The following GRM7 variants were observed in gnomAD, a reference collection of about 807,000 sequenced individuals.
The protein encoded by GRM7 is metabotropic glutamate receptor 7.
A neutral mutation model predicts 84.5 loss-of-function variants in GRM7; 35 were observed. The ratio of observed to expected loss-of-function variants is 0.41; its 90% CI spans 0.32 to 0.55. The LOEUF is 0.55. Among genes scored for constraint, GRM7 ranks in the 20% least tolerant of loss-of-function variants. The pLI is 0.19. For synonymous variants in GRM7, 487 were observed against 455.1 expected (o/e 1.07, Z -0.89); for missense variants, 1,003 against 1,194.6 (o/e 0.84, Z 2.36).
intron 4 of GRM7, among the ~76,000 whole-genome samples, chr3:7,358,600 C>A (rs1168936987): frequency 6.7e-6 from 1 of 148,320 alleles, no homozygotes; most frequent in African/African-American, 2.6e-5. Context: ...AATAAGTGAA[C>A]CAATTTAACT....
intron 1 of GRM7, among the ~76,000 whole-genome samples, chr3:6,867,918 C>T (rs1574945050): frequency 6.6e-6 from 1 of 152,164 alleles, no homozygotes; most frequent in East Asian, 1.9e-4. Flanking sequence ...ATATTTACAA[C>T]TAAATGTTTT....
At chr3:7,281,895 A>G (rs944177412) in intron 2 of GRM7, among the ~76,000 whole-genome samples, 3 of 152,198 alleles carry the variant, frequency 2.0e-5, no homozygotes, top group Admixed American at 1.3e-4. Flanking sequence ...AGCCTGGGCA[A>G]CAGGGTGAAA....
At chr3:7,458,569 A>AT (rs904405092) in intron 6 of GRM7, among the ~76,000 whole-genome samples, 1 of 152,156 alleles carries the variant, frequency 6.6e-6, no homozygotes, top group Non-Finnish European at 1.5e-5. Context: ...TTCTGCCTTA[A>AT]TTTTTTTAAA....
intron 4 of GRM7, among the ~76,000 whole-genome samples, chr3:7,354,731 G>GCAGC (rs1033212320): frequency 5.8e-4 from 88 of 152,252 alleles, no homozygotes; most frequent in African/African-American, 2.0e-3. Context: ...GACTCCAATT[G>GCAGC]CAGCTTCTGT....
intron 1 of GRM7, among the ~76,000 whole-genome samples, chr3:6,974,801 T>C (rs1303867354): frequency 1.3e-5 from 2 of 152,100 alleles, no homozygotes; most frequent in African/African-American, 4.8e-5. Context: ...ACTGTGATTT[T>C]TAGAAAAGTA....
intron 1 of GRM7, among the ~76,000 whole-genome samples, chr3:6,991,674 T>C (rs1226703719): frequency 6.6e-6 from 1 of 152,182 alleles, no homozygotes; most frequent in African/African-American, 2.4e-5. Flanking sequence ...ATTTAAGGTA[T>C]AGAAAGTGCT....
intron 7 of GRM7, among the ~76,000 whole-genome samples, chr3:7,523,485 G>C (rs1352427726): frequency 6.6e-6 from 1 of 152,128 alleles, no homozygotes; most frequent in African/African-American, 2.4e-5. Flanking sequence ...CTCCGAGCTG[G>C]TAGAAGTGTA....
intron 8 of GRM7, among the ~76,000 whole-genome samples, chr3:7,630,117 C>T (rs1390140047): frequency 1.3e-5 from 2 of 152,178 alleles, no homozygotes; most frequent in African/African-American, 4.8e-5. Flanking sequence ...AAGTTTGATA[C>T]TCTGCATATA....
rs193070189 is a variant in GRM7, at chr3:7,482,896, T to C, written c.1515+21174T>C. Reference sequence around the variant, plus strand: ...TGGTGAATTTTAAAATAAGTGACATTAAATAAATTCCACATTCCTTGGGGA... The same window carrying C: ...TGGTGAATTTTAAAATAAGTGACATCAAATAAATTCCACATTCCTTGGGGA... On this transcript the variant is annotated intron_variant, in intron 7 of 9. Coordinates refer to ENST00000357716, the MANE Select transcript of GRM7 (RefSeq NM_000844.4). Among the ~76,000 whole-genome samples, 250 of 152,312 alleles carry C rather than the reference T, an allele frequency of 1.6e-3. 1 individual carries two copies. The highest frequency in any genetic ancestry group is 5.7e-3 in the African/African-American group (239 of 41,572).
intron 7 of GRM7, among the ~76,000 whole-genome samples, chr3:7,514,531 T>C (rs987446421): frequency 6.6e-5 from 10 of 152,188 alleles, no homozygotes; most frequent in Middle Eastern, 3.2e-3. Flanking sequence ...AAAATGCCCA[T>C]GTGGAATGTT....
At position 7,111,244 on chromosome 3, in the gene GRM7, G is replaced by T. The variant is rs569007237; in HGVS notation, c.520-35208G>T. On this transcript the variant is annotated intron_variant, in intron 1 of 9. Coordinates refer to ENST00000357716, the MANE Select transcript of GRM7 (RefSeq NM_000844.4). ...ATTCCTAAATTAGGATGTTAAGCAGGATGACACATGGCCTCACATGCATTT... is the reference window on the plus strand; with the variant it reads ...ATTCCTAAATTAGGATGTTAAGCAGTATGACACATGGCCTCACATGCATTT... 1.2e-4 allele frequency among the ~76,000 whole-genome samples: 18 copies of T among 152,194 alleles called. No individual in the cohort carries two copies. In the South Asian group the frequency reaches 3.7e-3, roughly 32 times the overall value.
chr3:7,649,440 A>AAAT (rs909354768), intron 8 of GRM7, among the ~76,000 whole-genome samples: 1 of 152,186 alleles, frequency 6.6e-6, no homozygotes, highest in Non-Finnish European at 1.5e-5. Context: ...CAGGATGGTA[A>AAAT]AATAAACCTT....
chr3:7,440,070 A>C (rs995363073), intron 5 of GRM7, among the ~76,000 whole-genome samples: 2 of 152,188 alleles, frequency 1.3e-5, no homozygotes, highest in Non-Finnish European at 2.9e-5. Flanking sequence ...CTGGTTGTTA[A>C]ACAATAGAGA....
chr3:6,861,165 G>A lies in GRM7; in HGVS notation c.-224G>A, dbSNP rs1288453303. 2.8e-5 allele frequency: 12 copies of A among 435,516 alleles called. No homozygotes were observed. The highest frequency in any genetic ancestry group is 4.0e-6 in the Non-Finnish European group (1 of 250,102). The allele number at this position is 435,516 out of a possible 1,614,324, so 27.0% of individuals were successfully genotyped here. A position where few individuals can be genotyped will look rare whatever the true frequency, so the allele number is the denominator to read the frequency against. On this transcript the variant is annotated 5_prime_UTR_variant, in exon 1 of 10. Coordinates refer to ENST00000357716, the MANE Select transcript of GRM7 (RefSeq NM_000844.4). This position sits in a 1 kb window ranked among gnomAD's most constrained non-coding sequence, Gnocchi z 6.4. ...GCAGCAAGCCGGTGAGCGCGAGCGC[G>A]GCGCGCCGGCCGGCTAACCCGAGAG...
intron 9 of GRM7, chr3:7,694,399 A>G (rs886228808): frequency 8.4e-6 from 8 of 955,360 alleles, no homozygotes; most frequent in African/African-American, 5.3e-5. Flanking sequence ...ATATTCTTCT[A>G]TTTGGTCTCT....
intron 1 of GRM7, among the ~76,000 whole-genome samples, chr3:7,099,020 C>G (rs1043311647): frequency 5.3e-5 from 8 of 151,520 alleles, no homozygotes; most frequent in African/African-American, 1.9e-4. Context: ...TTATCCTTAA[C>G]CACTGTTACT....
intron 4 of GRM7, among the ~76,000 whole-genome samples, chr3:7,375,398 T>C (rs1382153702): frequency 6.6e-6 from 1 of 151,996 alleles, no homozygotes; most frequent in African/African-American, 2.4e-5. Context: ...TTTGTATTTT[T>C]TAGTAGAGAT....
chr3:7,266,775 A>T (rs945204447), intron 2 of GRM7, among the ~76,000 whole-genome samples: 1 of 152,206 alleles, frequency 6.6e-6, no homozygotes, highest in African/African-American at 2.4e-5. Flanking sequence ...ACTTGAACCT[A>T]AACTTACAAA....
intron 1 of GRM7, among the ~76,000 whole-genome samples, chr3:7,100,825 G>A (rs1404914350): frequency 2.6e-5 from 4 of 151,730 alleles, no homozygotes; most frequent in Admixed American, 6.6e-5. Flanking sequence ...ATCGTGTTCT[G>A]ACACTGTGAT....
Sources: allele counts gnomAD v4.1 joint callset (sites outside exome capture counted in the v4.1 genomes callset), GRCh38; gene constraint gnomAD v4.1.1; non-coding constraint Gnocchi (gnomAD v3.1); transcripts MANE v1.5; gene names NCBI Gene and HGNC (gene_info 2026-07-23, HGNC 2026-07-21).